Variants in PRKG1 observed in about 807,000 individuals in gnomAD.
PRKG1 encodes the protein protein kinase cGMP-dependent 1, also known as cGMP-dependent protein kinase 1.
A neutral mutation model predicts 88.1 loss-of-function variants in PRKG1; 35 were observed. That is an observed-to-expected ratio of 0.40 (90% confidence interval 0.30 to 0.53). The LOEUF (loss-of-function observed/expected upper bound fraction) is 0.53, where lower values mean the gene tolerates loss of function less well. Ranked by LOEUF, PRKG1 falls within the 20% of genes least tolerant of loss-of-function variation. PRKG1 has a pLI of 0.59. For synonymous variants in PRKG1, 303 were observed against 292.5 expected (o/e 1.04, Z -0.37); for missense variants, 540 against 839.8 (o/e 0.64, Z 4.41).
Position 51,377,232 on chromosome 10 carries a change from A to C in PRKG1, c.479-90491A>C, listed in dbSNP as rs148447698. 7.5e-3 allele frequency among the ~76,000 whole-genome samples: 1,144 copies of C among 152,316 alleles called. 15 individuals are homozygous for C. Among genetic ancestry groups the C allele is most frequent in the African/African-American group, 0.026 (1,081 of 41,574 alleles). On this transcript the variant is annotated intron_variant, in intron 2 of 17. Coordinates refer to ENST00000373980, the MANE Select transcript of PRKG1 (RefSeq NM_006258.4). ...TGAAACCTGAATATTTGGACAAACA[A>C]CTAATTCTATTTCTTGCTACCAGTG...
At chr10:51,970,742 T>TATCAGATATATCATCTGATA (rs1843692199) in intron 5 of PRKG1, among the ~76,000 whole-genome samples, 1 of 125,154 alleles carries the variant, frequency 8.0e-6, no homozygotes, top group Non-Finnish European at 1.5e-5. Context: ...TCAGATTATA[T>TATCAGATATATCATCTGATA]ATATATATCA....
intron 9 of PRKG1, among the ~76,000 whole-genome samples, chr10:52,216,842 A>G (rs1248718631): frequency 1.3e-5 from 2 of 152,226 alleles, no homozygotes; most frequent in African/African-American, 2.4e-5. Flanking sequence ...AACTATTTGC[A>G]TAATACTTCT....
intron 2 of PRKG1, among the ~76,000 whole-genome samples, chr10:51,360,050 G>A (rs1318198425): frequency 6.6e-6 from 1 of 151,818 alleles, no homozygotes. Flanking sequence ...CCATAATGAG[G>A]GAAAATGTTA....
intron 2 of PRKG1, among the ~76,000 whole-genome samples, chr10:51,374,112 A>ATATATATATGTG (rs886440031): frequency 1.4e-5 from 2 of 143,804 alleles, no homozygotes; most frequent in African/African-American, 5.0e-5. Flanking sequence ...ATATATATAT[A>ATATATATATGTG]TGTACTTTAA....
chr10:51,207,190 T>C (rs1235024083), intron 2 of PRKG1, among the ~76,000 whole-genome samples: 2 of 152,218 alleles, frequency 1.3e-5, no homozygotes, highest in African/African-American at 4.8e-5. Context: ...TTCTACATCA[T>C]TAATATCTGC....
At chr10:51,288,403 G>T (rs1840498216) in intron 2 of PRKG1, among the ~76,000 whole-genome samples, 1 of 152,122 alleles carries the variant, frequency 6.6e-6, no homozygotes, top group African/African-American at 2.4e-5. Context: ...CTGATTTTAT[G>T]CATTTAGATT....
chr10:51,355,390 G>C (rs1048935176), intron 2 of PRKG1, among the ~76,000 whole-genome samples: 1 of 151,892 alleles, frequency 6.6e-6, no homozygotes, highest in Non-Finnish European at 1.5e-5. Flanking sequence ...TCACATATAC[G>C]GTGACTTGTT....
chr10:51,698,668 C>G, intron 3 of PRKG1: 8 of 1,614,190 alleles, frequency 5.0e-6, no homozygotes, highest in Non-Finnish European at 6.8e-6. Flanking sequence ...CTGGGCCAAC[C>G]CCTGGCATTC....
At chr10:51,708,802 C>T (rs929254698) in intron 3 of PRKG1, among the ~76,000 whole-genome samples, 6 of 152,150 alleles carry the variant, frequency 3.9e-5, no homozygotes, top group Non-Finnish European at 5.9e-5. Context: ...CAGACCTTTG[C>T]GGTGCCAGTT....
rs192937833 is a variant in PRKG1, at chr10:52,080,295, A to G, written c.935+17664A>G. 2.3e-4 allele frequency among the ~76,000 whole-genome samples: 35 copies of G among 152,136 alleles called. 1 individual carries two copies. The highest frequency in any genetic ancestry group is 8.0e-4 in the African/African-American group (33 of 41,508). On this transcript the variant is annotated intron_variant, in intron 7 of 17. Coordinates refer to ENST00000373980, the MANE Select transcript of PRKG1 (RefSeq NM_006258.4). ...TTGATTTAGTTTGAGCAACTTCTCC[A>G]TGATGTTTTTTTCATGAGTATCTAA...
chr10:51,521,252 C>T (rs1365012199), intron 3 of PRKG1, among the ~76,000 whole-genome samples: 1 of 152,166 alleles, frequency 6.6e-6, no homozygotes, highest in African/African-American at 2.4e-5. Context: ...TGTGCCACTC[C>T]AGTTTCCAGT....
intron 2 of PRKG1, among the ~76,000 whole-genome samples, chr10:51,442,738 C>T (rs972575019): frequency 5.3e-5 from 8 of 152,032 alleles, no homozygotes; most frequent in Non-Finnish European, 1.0e-4. Flanking sequence ...TTCTATTCAA[C>T]TAAAAGCATT....
chr10:51,215,076 A>G (rs530302913), intron 2 of PRKG1, among the ~76,000 whole-genome samples: 106 of 152,318 alleles, frequency 7.0e-4, no homozygotes, highest in African/African-American at 1.4e-3. Context: ...CAATCCTATC[A>G]TGTTTCCAAA....
At chr10:52,003,070 G>A (rs962973788) in intron 5 of PRKG1, among the ~76,000 whole-genome samples, 1 of 152,102 alleles carries the variant, frequency 6.6e-6, no homozygotes, top group East Asian at 1.9e-4. Flanking sequence ...CTCCTTGCAT[G>A]GTGTTTAAGC....
At chr10:52,147,367 C>A (rs1837758260) in intron 8 of PRKG1, among the ~76,000 whole-genome samples, 1 of 152,102 alleles carries the variant, frequency 6.6e-6, no homozygotes, top group Non-Finnish European at 1.5e-5. Context: ...TCTCAGCATC[C>A]AAATATGATG....
At chr10:51,181,224 ATTTTTTTTTT>A (rs1223588085) in intron 2 of PRKG1, among the ~76,000 whole-genome samples, 4 of 78,288 alleles carry the variant, frequency 5.1e-5, no homozygotes, top group East Asian at 3.8e-4. Context: ...ATTATATAGA[ATTTTTTTTTT>A]TTTTTTTTTT....
intron 1 of PRKG1, among the ~76,000 whole-genome samples, chr10:51,121,290 C>T (rs1216596666): frequency 1.3e-5 from 2 of 152,120 alleles, no homozygotes; most frequent in African/African-American, 2.4e-5. Flanking sequence ...CTTTGAGGAG[C>T]CACTATTTGC....
intron 3 of PRKG1, among the ~76,000 whole-genome samples, chr10:51,558,753 A>G (rs1004377934): frequency 1.3e-5 from 2 of 152,120 alleles, no homozygotes; most frequent in Non-Finnish European, 2.9e-5. Flanking sequence ...TGACAAAGAA[A>G]GCATAGTAAT....
chr10:52,081,639 A>G (rs1846778674), intron 7 of PRKG1: 2 of 456,688 alleles, frequency 4.4e-6, no homozygotes, highest in South Asian at 1.5e-5. Context: ...ATGTTTCTTC[A>G]TGGATCTTAC....
Sources: gnomAD v4.1 joint callset for allele counts (sites outside exome capture counted in the v4.1 genomes callset) on GRCh38, gnomAD v4.1.1 for gene constraint, MANE v1.5 for transcripts, NCBI Gene and HGNC (gene_info 2026-07-23, HGNC 2026-07-21) for gene names.